The following ARHGAP35 variants were observed in gnomAD, a reference collection of about 807,000 sequenced individuals.
The protein encoded by ARHGAP35 is Rho GTPase activating protein 35.
Under a neutral mutation model 111.1 loss-of-function variants are expected in ARHGAP35, and 15 were observed. The ratio of observed to expected loss-of-function variants is 0.13; its 90% CI spans 0.09 to 0.21. The LOEUF (loss-of-function observed/expected upper bound fraction) is 0.21, where lower values mean the gene tolerates loss of function less well. Ranked by LOEUF, ARHGAP35 falls within the 10% of genes least tolerant of loss-of-function variation. The probability of loss-of-function intolerance (pLI) is 1.00; values close to 1 mark genes in which losing one functional copy is unlikely to be tolerated. For synonymous variants in ARHGAP35, 643 were observed against 710.3 expected (o/e 0.91, Z 1.51); for missense variants, 1,262 against 1,873.0 (o/e 0.67, Z 6.02).
At chr19:46,943,822 A>G (rs1029416719) in intron 3 of ARHGAP35, among the ~76,000 whole-genome samples, 1 of 152,136 alleles carries the variant, frequency 6.6e-6, no homozygotes, top group African/African-American at 2.4e-5. Context: ...ATAGGAAAGA[A>G]ATTTATGCCG....
At chr19:46,912,778 T>A (rs185334077) in intron 1 of ARHGAP35, among the ~76,000 whole-genome samples, 1 of 152,210 alleles carries the variant, frequency 6.6e-6, no homozygotes, top group African/African-American at 2.4e-5. Flanking sequence ...TACATAGATA[T>A]ATTTCTTGTT....
At chr19:46,979,194 C>T (rs1384695152) in intron 3 of ARHGAP35, among the ~76,000 whole-genome samples, 1 of 152,038 alleles carries the variant, frequency 6.6e-6, no homozygotes, top group Admixed American at 6.5e-5. Flanking sequence ...AGATCCCTCA[C>T]AGTGGTGGCA....
At chr19:46,925,732 G>T (rs2056234394) in intron 2 of ARHGAP35, among the ~76,000 whole-genome samples, 1 of 152,190 alleles carries the variant, frequency 6.6e-6, no homozygotes, top group Non-Finnish European at 1.5e-5. Flanking sequence ...GTCAACTCCA[G>T]CTCCTCCGCT....
Position 46,951,953 on chromosome 19 carries a change from T to C in ARHGAP35, c.3826+14545T>C, listed in dbSNP as rs553140141. On this transcript the variant is annotated intron_variant, in intron 3 of 6. Coordinates refer to ENST00000672722, the MANE Select transcript of ARHGAP35 (RefSeq NM_004491.5). ...AGGGGGATGGGGGATTAAGAGAGGA[T>C]GCTTAAATGGATATAAAAATGCAGT... Among the ~76,000 whole-genome samples the C allele has an allele frequency of 1.8e-4, 28 of 152,318 alleles. 1 individual carries two copies. Among genetic ancestry groups the C allele is most frequent in the African/African-American group, 6.7e-4 (28 of 41,570 alleles).
At chr19:46,956,454 C>CT (rs1301857776) in intron 3 of ARHGAP35, among the ~76,000 whole-genome samples, 1 of 147,636 alleles carries the variant, frequency 6.8e-6, no homozygotes, top group African/African-American at 2.5e-5. Flanking sequence ...GAGTCTCACT[C>CT]TGTCACCCAG....
chr19:46,883,245 C>T (rs1448486636), intron 1 of ARHGAP35, among the ~76,000 whole-genome samples: 1 of 151,280 alleles, frequency 6.6e-6, no homozygotes, highest in Non-Finnish European at 1.5e-5. Context: ...CAGGCACGTG[C>T]CACCATGCCT....
rs370402707 is a variant in ARHGAP35, at chr19:46,889,340, TC to T, written c.-189+28134del. On this transcript the variant is annotated intron_variant, in intron 1 of 6. Transcript: ENST00000672722. ...TTGGTGTGGTGGCGTGTGCCTGTAG[TC>T]CCAGCTACTCAGGAGGCTGAGGCAG... Among the ~76,000 whole-genome samples the T allele has an allele frequency of 6.6e-5, 10 of 152,024 alleles. No homozygotes were observed. In the East Asian group the frequency reaches 1.9e-3, roughly 30 times the overall value.
chr19:46,918,560 TG>T lies in ARHGAP35; in HGVS notation c.-114del. ...TACTGGTATACAACACTATGGGACC[TG>T]GCATTTTTGCTGCATGTCCAGCCCA... On this transcript the variant is annotated 5_prime_UTR_variant, in exon 2 of 7. An upstream open reading frame in the 5' UTR loses its in-frame stop. Transcript: ENST00000672722. This position sits in a 1 kb window ranked among gnomAD's most constrained non-coding sequence, Gnocchi z 5.4. 1 of 979,594 alleles carries T rather than the reference TG, an allele frequency of 1.0e-6. No homozygotes were observed. The highest frequency in any genetic ancestry group is 1.6e-6 in the Non-Finnish European group (1 of 642,494). The allele number at this position is 979,594 out of a possible 1,614,324, so 60.7% of individuals were successfully genotyped here.
rs781546300 is a variant in ARHGAP35, at chr19:46,921,298, T to A, written c.2623T>A (p.Cys875Ser). 3.1e-6 allele frequency: 5 copies of A among 1,613,930 alleles called. No homozygotes were observed. The South Asian group carries it at 5.5e-5, about 18-fold the overall frequency. The part of the protein sequence containing the change: ...ASLAMLRAFL[C>S]EVQDIIPIQL... ...TTTGGCTATGTTACGTGCCTTTCTT[T>A]GTGAAGTGCAGGATATTATCCCTAT... Residue 875 changes from cysteine to serine, a missense_variant, in exon 2 of 7, where the codon TGT becomes AGT. Cys to Ser is a moderately radical substitution (Grantham distance 112). This residue lies in a region of ARHGAP35 where 579 missense variants were observed against 716.9 expected (regional missense o/e 0.81). Transcript: ENST00000672722. This position sits in a 1 kb window ranked among gnomAD's most constrained non-coding sequence, Gnocchi z 4.3.
At chr19:46,984,794 C>T (rs1227354993) in intron 3 of ARHGAP35, among the ~76,000 whole-genome samples, 1 of 152,228 alleles carries the variant, frequency 6.6e-6, no homozygotes, top group Non-Finnish European at 1.5e-5. Context: ...AGCAGGTCCA[C>T]ACCACTGATA....
intron 3 of ARHGAP35, among the ~76,000 whole-genome samples, chr19:46,985,512 G>A (rs2056644209): frequency 1.3e-5 from 2 of 152,218 alleles, no homozygotes. Context: ...CTATGATCTG[G>A]GGCAAGGACT....
intron 3 of ARHGAP35, among the ~76,000 whole-genome samples, chr19:46,957,967 G>A (rs577930030): frequency 1.5e-3 from 223 of 152,246 alleles, no homozygotes; most frequent in African/African-American, 4.8e-3. Flanking sequence ...GCAGTGGTGC[G>A]ATCATAGCTC....
At chr19:46,907,170 C>A (rs896004540) in intron 1 of ARHGAP35, among the ~76,000 whole-genome samples, 2 of 152,182 alleles carry the variant, frequency 1.3e-5, no homozygotes, top group Non-Finnish European at 2.9e-5. Context: ...GTTTTTGAGA[C>A]GGAGTCTCGT....
intron 1 of ARHGAP35, among the ~76,000 whole-genome samples, chr19:46,884,545 G>T (rs1261191114): frequency 2.2e-5 from 3 of 133,694 alleles, no homozygotes; most frequent in African/African-American, 8.7e-5. Flanking sequence ...CTCTTGTCCA[G>T]ACTGGAGCGC....
chr19:46,968,043 G>C (rs940002494), intron 3 of ARHGAP35, among the ~76,000 whole-genome samples: 2 of 152,146 alleles, frequency 1.3e-5, no homozygotes, highest in Non-Finnish European at 2.9e-5. Flanking sequence ...GGAAGGGACC[G>C]GGTCATCTTC....
chr19:46,982,723 G>A (rs961669554), intron 3 of ARHGAP35, among the ~76,000 whole-genome samples: 1 of 151,962 alleles, frequency 6.6e-6, no homozygotes, highest in African/African-American at 2.4e-5. Context: ...GCCAGCAGCA[G>A]CAGCATCATC....
rs1479941982 is a variant in ARHGAP35, at chr19:46,922,183, A to G, written c.3508A>G (p.Ser1170Gly). ...ATGCACCCGGCTGGGGCGGTTTGCT[A>G]GTTACCGGACCAGCTTCAGCGTGGG... ...TRCTRLGRFA[S>G]YRTSFSVGSD... Residue 1170 changes from serine (S) to glycine (G), a missense_variant, in exon 2 of 7, where the codon AGT becomes GGT. Around this residue, in one of 8 missense-constraint regions of ARHGAP35, gnomAD observed 579 missense variants for 716.9 expected, o/e 0.81. Transcript: ENST00000672722. This position sits in a 1 kb window ranked among gnomAD's most constrained non-coding sequence, Gnocchi z 4.0. The G allele has an allele frequency of 6.2e-7, 1 of 1,614,018 alleles. No individual in the cohort carries two copies. The highest frequency in any genetic ancestry group is 1.3e-5 in the African/African-American group (1 of 75,052).
chr19:46,874,703 C>T (rs1376224591), intron 1 of ARHGAP35, among the ~76,000 whole-genome samples: 1 of 150,756 alleles, frequency 6.6e-6, no homozygotes, highest in African/African-American at 2.4e-5. Context: ...CGGAGTTTCA[C>T]CTTATTGGTC....
In ARHGAP35 at chr19:46,983,369, G is replaced by A. The variant is rs552367373; in HGVS notation, c.3827-4620G>A. On this transcript the variant is annotated intron_variant, in intron 3 of 6. Transcript: ENST00000672722. ...TTATTGTGAGAACTGCTATGAAAAGGCACGAAAGCACTTAGCACCGTGTGC... is the reference window on the plus strand; with the variant it reads ...TTATTGTGAGAACTGCTATGAAAAGACACGAAAGCACTTAGCACCGTGTGC... Among the ~76,000 whole-genome samples the A allele has an allele frequency of 2.6e-3, 390 of 152,200 alleles. 3 individuals are homozygous for A. The highest frequency in any genetic ancestry group is 3.7e-3 in the Non-Finnish European group (250 of 68,016).
Sources: allele counts gnomAD v4.1 joint callset (sites outside exome capture counted in the v4.1 genomes callset), GRCh38; gene constraint gnomAD v4.1.1; regional missense constraint gnomAD v4.1.1; non-coding constraint Gnocchi (gnomAD v3.1); transcripts MANE v1.5; gene names NCBI Gene and HGNC (gene_info 2026-07-23, HGNC 2026-07-21).